EXT2: variants seen among roughly 807,000 people sequenced by gnomAD.
The protein encoded by EXT2 is exostosin glycosyltransferase 2, also known as exostosin-2.
A neutral mutation model predicts 81.6 loss-of-function variants in EXT2; 53 were observed. The observed-to-expected ratio is 0.65, with a 90% CI of 0.52 to 0.82. The LOEUF (loss-of-function observed/expected upper bound fraction) is 0.82, where lower values mean the gene tolerates loss of function less well. Ranked by LOEUF, EXT2 falls within the 40% of genes least tolerant of loss-of-function variation. The pLI is 0.00. For missense variants in EXT2, 774 were observed against 910.2 expected, an observed-to-expected ratio of 0.85 and a Z score of 1.93; for synonymous variants, 320 against 340.0, an observed-to-expected ratio of 0.94 and a Z score of 0.65.
At chr11:44,170,454 T>G (rs977831701) in intron 7 of EXT2, among the ~76,000 whole-genome samples, 1 of 151,940 alleles carries the variant, frequency 6.6e-6, no homozygotes, top group African/African-American at 2.4e-5. Context: ...TAGAAGGAAA[T>G]AATAAAATCA....
At chr11:44,135,390 CTTTTTT>C (rs10707708) in intron 7 of EXT2, among the ~76,000 whole-genome samples, 2 of 116,314 alleles carry the variant, frequency 1.7e-5, no homozygotes, top group African/African-American at 3.0e-5. Flanking sequence ...GATGGAAATA[CTTTTTT>C]TTTTTTTTTT....
chr11:44,118,343 T>G (rs1396751558), intron 4 of EXT2, among the ~76,000 whole-genome samples: 1 of 152,166 alleles, frequency 6.6e-6, no homozygotes. Context: ...GATAGCATAT[T>G]GTGACATCAT....
intron 11 of EXT2, among the ~76,000 whole-genome samples, chr11:44,233,027 A>AT (rs1389327692): frequency 3.3e-5 from 5 of 152,156 alleles, no homozygotes; most frequent in African/African-American, 1.2e-4. Flanking sequence ...ATAGATGTCC[A>AT]TTTTCATAAC....
intron 1 of EXT2, among the ~76,000 whole-genome samples, chr11:44,098,327 T>C (rs1953930492): frequency 6.6e-6 from 1 of 151,996 alleles, no homozygotes; most frequent in Non-Finnish European, 1.5e-5. Flanking sequence ...GTGTCCTGAG[T>C]CGGGAGCACT....
chr11:44,110,852 C>A (rs922577518), intron 3 of EXT2, among the ~76,000 whole-genome samples: 3 of 152,158 alleles, frequency 2.0e-5, no homozygotes, highest in African/African-American at 7.2e-5. Context: ...GTGATTATAG[C>A]CAATCCTATA....
chr11:44,148,446 T>C (rs1221635442), intron 7 of EXT2, among the ~76,000 whole-genome samples: 1 of 152,190 alleles, frequency 6.6e-6, no homozygotes, highest in Admixed American at 6.5e-5. Context: ...AAGTCACTGA[T>C]TGATTCCTTT....
intron 13 of EXT2, 51 bp from the exon 14 acceptor site, chr11:44,244,098 T>G: frequency 6.4e-7 from 1 of 1,564,102 alleles, no homozygotes; most frequent in Non-Finnish European, 8.8e-7. Context: ...GCCCCCATCC[T>G]TCTCATTCTG....
intron 7 of EXT2, among the ~76,000 whole-genome samples, chr11:44,135,689 G>A (rs943425292): frequency 1.3e-5 from 2 of 152,156 alleles, no homozygotes; most frequent in African/African-American, 2.4e-5. Flanking sequence ...ACTGCACTGG[G>A]TGGAAAAGCT....
At chr11:44,160,666 A>G (rs1954916621) in intron 7 of EXT2, among the ~76,000 whole-genome samples, 1 of 152,204 alleles carries the variant, frequency 6.6e-6, no homozygotes, top group South Asian at 2.1e-4. Flanking sequence ...AGGATATTGA[A>G]TGGATTTTGG....
intron 6 of EXT2, among the ~76,000 whole-genome samples, chr11:44,127,221 A>G (rs1954421138): frequency 6.6e-6 from 1 of 152,130 alleles, no homozygotes; most frequent in Admixed American, 6.5e-5. Context: ...TTATTGTGTC[A>G]CATTGGTAGA....
chr11:44,129,590 A>G (rs1954460149), intron 6 of EXT2, among the ~76,000 whole-genome samples: 1 of 152,236 alleles, frequency 6.6e-6, no homozygotes, highest in African/African-American at 2.4e-5. Flanking sequence ...TTAGCACATA[A>G]TAGGGCTTCC....
chr11:44,173,563 C>CTTT (rs66702988), intron 8 of EXT2, among the ~76,000 whole-genome samples: 287 of 99,892 alleles, frequency 2.9e-3, no homozygotes, highest in East Asian at 4.3e-3. Flanking sequence ...TTCTTTCTTT[C>CTTT]TTTTTTTTTT....
intron 2 of EXT2, among the ~76,000 whole-genome samples, chr11:44,108,651 T>A (rs1233946698): frequency 6.6e-6 from 1 of 152,196 alleles, no homozygotes; most frequent in African/African-American, 2.4e-5. Flanking sequence ...CATTCTGAAA[T>A]CCTTCCTCTA....
intron 1 of EXT2, among the ~76,000 whole-genome samples, chr11:44,097,062 T>A (rs1261936115): frequency 6.6e-6 from 1 of 152,204 alleles, no homozygotes; most frequent in East Asian, 1.9e-4. Context: ...CTTTGGCATT[T>A]CCAGTTGTGT....
chr11:44,214,501 T>G (rs1256114044), intron 10 of EXT2, among the ~76,000 whole-genome samples: 2 of 152,182 alleles, frequency 1.3e-5, no homozygotes, highest in African/African-American at 4.8e-5. Flanking sequence ...TTCTTTAATG[T>G]CTCTAATACA....
At chr11:44,201,400 C>G (rs866580812) in intron 9 of EXT2, among the ~76,000 whole-genome samples, 2 of 152,178 alleles carry the variant, frequency 1.3e-5, no homozygotes, top group Non-Finnish European at 2.9e-5. Flanking sequence ...ATCCTAGGAA[C>G]AGGAACTGTG....
Position 44,206,967 on chromosome 11 carries a change from G to A in EXT2, c.1662+8G>A, listed in dbSNP as rs1955591104. Reference sequence around the variant, plus strand: ...CTGCAATTTGGTTATGAGGTAAGGAGGTTTTACACAGTGTGTTTATATGTT... The same window carrying A: ...CTGCAATTTGGTTATGAGGTAAGGAAGTTTTACACAGTGTGTTTATATGTT... On this transcript the variant is annotated splice_region_variant and intron_variant, in intron 10 of 13. Transcript: ENST00000533608. 6.2e-7 allele frequency: 1 copy of A among 1,613,734 alleles called. No individual in the cohort carries two copies. Among genetic ancestry groups the A allele is most frequent in the African/African-American group, 1.3e-5 (1 of 75,020 alleles).
intron 8 of EXT2, 63 bp downstream of exon 8, chr11:44,171,805 A>G: frequency 3.1e-6 from 5 of 1,602,310 alleles, no homozygotes; most frequent in Non-Finnish European, 3.4e-6. Context: ...GGTGGAAGGA[A>G]AAATGTACTA....
intron 4 of EXT2, among the ~76,000 whole-genome samples, chr11:44,117,676 A>G (rs992057991): frequency 3.9e-5 from 6 of 152,240 alleles, no homozygotes; most frequent in African/African-American, 7.2e-5. Flanking sequence ...CTATATGTCT[A>G]TTATGCCAGT....
Sources: gnomAD v4.1 joint callset for allele counts (sites outside exome capture counted in the v4.1 genomes callset) on GRCh38, gnomAD v4.1.1 for gene constraint, MANE v1.5 for transcripts, NCBI Gene and HGNC (gene_info 2026-07-23, HGNC 2026-07-21) for gene names.